CLPSL1: variants seen among roughly 807,000 people sequenced by gnomAD.
The protein encoded by CLPSL1 is colipase like 1, also known as colipase-like protein 1.
Under a neutral mutation model 9.3 loss-of-function variants are expected in CLPSL1, and 13 were observed. The ratio of observed to expected loss-of-function variants is 1.40; its 90% CI spans 0.91 to 2.22. The LOEUF (loss-of-function observed/expected upper bound fraction) is 2.22, where lower values mean the gene tolerates loss of function less well. CLPSL1 is among the 30% of genes most tolerant of loss of function. The pLI is 0.00. For missense variants in CLPSL1, 164 were observed against 146.6 expected, an observed-to-expected ratio of 1.12 and a Z score of -0.61; for synonymous variants, 58 against 56.9, an observed-to-expected ratio of 1.02 and a Z score of -0.08.
intron 1 of CLPSL1, among the ~76,000 whole-genome samples, chr6:35,785,424 G>A (rs928510360): frequency 2.6e-5 from 4 of 151,922 alleles, no homozygotes; most frequent in African/African-American, 9.7e-5. Context: ...TGATCTGCCC[G>A]CCTCGGCCTC....
intron 1 of CLPSL1, among the ~76,000 whole-genome samples, chr6:35,783,374 G>T (rs973728885): frequency 6.6e-6 from 1 of 152,156 alleles, no homozygotes; most frequent in South Asian, 2.1e-4. Context: ...GCTGGGTGTG[G>T]TGGCACATGC....
intron 1 of CLPSL1, 61 bp downstream of exon 1, chr6:35,781,270 G>A (rs1044066691): frequency 1.3e-6 from 2 of 1,583,146 alleles, no homozygotes; most frequent in Admixed American, 1.7e-5. Context: ...TGTACTATTT[G>A]GGGAGGTGAG....
intron 1 of CLPSL1, chr6:35,793,443 G>T (rs1198839281): frequency 2.3e-5 from 8 of 352,996 alleles, no homozygotes; most frequent in South Asian, 1.4e-4. Context: ...AAAAAAAAAA[G>T]GGTATGCAAG....
At chr6:35,784,934 T>C (rs1475302667) in intron 1 of CLPSL1, among the ~76,000 whole-genome samples, 2 of 151,952 alleles carry the variant, frequency 1.3e-5, no homozygotes, top group Non-Finnish European at 2.9e-5. Flanking sequence ...CTTGGAAGAG[T>C]CCCAAGTGGG....
At chr6:35,787,182 C>T in intron 2 of CLPSL1, 62 bp downstream of exon 2, 1 of 1,573,672 alleles carries the variant, frequency 6.4e-7, no homozygotes, top group South Asian at 1.1e-5. Context: ...CCAGGGCGGG[C>T]CCAGATTCCT....
chr6:35,787,206 G>A, intron 2 of CLPSL1, 86 bp downstream of exon 2: 1 of 1,472,464 alleles, frequency 6.8e-7, no homozygotes, highest in South Asian at 1.2e-5. Flanking sequence ...GAGGAAAGAA[G>A]GGTAGGTGGG....
chr6:35,789,216 A>T (rs1301697425), downstream of CLPSL1, among the ~76,000 whole-genome samples: 1 of 152,274 alleles, frequency 6.6e-6, no homozygotes, highest in Non-Finnish European at 1.5e-5. Flanking sequence ...AATGTCTAAG[A>T]AGTTCCCAAG....
At position 35,787,897 on chromosome 6, in the gene CLPSL1, T is replaced by C. The variant is rs200011151; in HGVS notation, c.253T>C (p.Cys85Arg). ...VFFGQYRACP[C>R]LRNLTCIYSK... ...CTTTGGCCAATATAGAGCGTGTCCCTGCCTGCGGAACCTGACTTGTATATA... is the reference window on the plus strand; with the variant it reads ...CTTTGGCCAATATAGAGCGTGTCCCCGCCTGCGGAACCTGACTTGTATATA... Residue 85 changes from cysteine (C) to arginine (R), a missense_variant, in exon 3 of 3, where the codon TGC becomes CGC. Transcript: ENST00000373861. 1.0e-3 allele frequency: 1,638 copies of C among 1,608,092 alleles called. 2 individuals carry two copies. Among genetic ancestry groups the C allele is most frequent in the Admixed American group, 1.6e-3 (94 of 60,020 alleles).
At chr6:35,793,167 T>TA (rs1484133807) in intron 1 of CLPSL1, among the ~76,000 whole-genome samples, 2 of 152,264 alleles carry the variant, frequency 1.3e-5, no homozygotes, top group Admixed American at 1.3e-4. Flanking sequence ...TTCATGCCTG[T>TA]AATCCCAGCA....
downstream of CLPSL1, among the ~76,000 whole-genome samples, chr6:35,793,146 A>G (rs1478429439): frequency 6.6e-6 from 1 of 152,270 alleles, no homozygotes; most frequent in East Asian, 1.9e-4. Flanking sequence ...GGTATGGTCC[A>G]GGTGCCATGG....
At chr6:35,787,255 G>C (rs1163322836) in intron 2 of CLPSL1, 135 bp downstream of exon 2, 1 of 1,087,144 alleles carries the variant, frequency 9.2e-7, no homozygotes, top group Non-Finnish European at 1.3e-6. Flanking sequence ...CCGTGGGACT[G>C]CACCTCCAAG....
chr6:35,792,942 AG>A (rs1468283038), downstream of CLPSL1, among the ~76,000 whole-genome samples: 2 of 152,270 alleles, frequency 1.3e-5, no homozygotes, highest in African/African-American at 4.8e-5. Flanking sequence ...GTTTCCTAAT[AG>A]CCATTGCCCC....
chr6:35,791,980 G>GGGAACT (rs1768225940), downstream of CLPSL1, among the ~76,000 whole-genome samples: 6 of 151,510 alleles, frequency 4.0e-5, no homozygotes, highest in Non-Finnish European at 7.4e-5. Context: ...CAGCTACTCG[G>GGGAACT]GAGGCTGATT....
At chr6:35,788,534 T>C (rs1768134321), downstream of CLPSL1, among the ~76,000 whole-genome samples, 1 of 152,274 alleles carries the variant, frequency 6.6e-6, no homozygotes, top group Non-Finnish European at 1.5e-5. Context: ...ATGCACATGA[T>C]CTCATTTAAT....
At chr6:35,783,692 C>T (rs1232761351) in intron 1 of CLPSL1, among the ~76,000 whole-genome samples, 2 of 151,456 alleles carry the variant, frequency 1.3e-5, no homozygotes, top group Admixed American at 6.6e-5. Context: ...CCTGTAATCC[C>T]AGCTACTCAG....
chr6:35,782,603 G>T (rs992759328), intron 1 of CLPSL1, among the ~76,000 whole-genome samples: 3 of 152,264 alleles, frequency 2.0e-5, no homozygotes, highest in Non-Finnish European at 2.9e-5. Context: ...GGCAAAGAGT[G>T]CAGGACAGGG....
At chr6:35,784,283 G>T (rs1048466941) in intron 1 of CLPSL1, among the ~76,000 whole-genome samples, 1 of 152,108 alleles carries the variant, frequency 6.6e-6, no homozygotes, top group Non-Finnish European at 1.5e-5. Flanking sequence ...TTAAGATAAG[G>T]GGTTGAGGAG....
At chr6:35,781,850 AT>A (rs1214195063) in intron 1 of CLPSL1, among the ~76,000 whole-genome samples, 2 of 151,016 alleles carry the variant, frequency 1.3e-5, no homozygotes, top group African/African-American at 4.9e-5. Context: ...AGTTCAAGCG[AT>A]TCCCCTGCCT....
At chr6:35,791,664 C>T (rs1768213151), downstream of CLPSL1, among the ~76,000 whole-genome samples, 1 of 151,898 alleles carries the variant, frequency 6.6e-6, no homozygotes, top group African/African-American at 2.4e-5. Flanking sequence ...GGTGTGGTGG[C>T]TTGTGCCTGT....
Sources: allele counts gnomAD v4.1 joint callset (sites outside exome capture counted in the v4.1 genomes callset), GRCh38; gene constraint gnomAD v4.1.1; transcripts MANE v1.5; gene names NCBI Gene and HGNC (gene_info 2026-07-23, HGNC 2026-07-21).